Variants in SCP2 observed in about 807,000 individuals in gnomAD.
SCP2 encodes the protein sterol carrier protein 2, also known as SCP-2/3-oxoacyl-CoA thiolase.
In SCP2, 48 loss-of-function variants were observed where a neutral mutation model predicts 71.4. That is an observed-to-expected ratio of 0.67 (90% CI 0.53 to 0.86). The LOEUF (loss-of-function observed/expected upper bound fraction) is 0.86. Among genes scored for constraint, SCP2 ranks in the 40% least tolerant of loss-of-function variants. The pLI, the probability that SCP2 is intolerant of heterozygous loss-of-function variation, is 0.00. For synonymous variants in SCP2, 220 were observed against 218.1 expected, an observed-to-expected ratio of 1.01 and a Z score of -0.08; for missense variants, 560 against 655.6, an observed-to-expected ratio of 0.85 and a Z score of 1.59.
At chr1:52,994,221 A>G (rs1659762532) in intron 11 of SCP2, 11 of 1,018,906 alleles carry the variant, frequency 1.1e-5, no homozygotes, top group African/African-American at 1.0e-4. Flanking sequence ...TTCCTGTGGT[A>G]TGGTCACTGA....
intron 10 of SCP2, among the ~76,000 whole-genome samples, chr1:52,985,378 A>G (rs1260480511): frequency 6.6e-6 from 1 of 152,038 alleles, no homozygotes; most frequent in African/African-American, 2.4e-5. Flanking sequence ...TCTCTCTCAC[A>G]ATCATCATTA....
intron 15 of SCP2, 199 bp from the exon 16 acceptor site, chr1:53,050,410 C>G: frequency 1.9e-6 from 1 of 521,814 alleles, no homozygotes; most frequent in Non-Finnish European, 3.5e-6. Context: ...TTCTGCTGAT[C>G]TGCAAAAAGT....
chr1:52,973,321 A>G lies in SCP2; in HGVS notation c.524-1448A>G, dbSNP rs542223551. ...GTTTAGCTTTGTTTAACCATAGTCT[A>G]AACTTATTTGACAGAAGAACCCTCT... On this transcript the variant is annotated intron_variant, in intron 6 of 15. Coordinates refer to ENST00000371514, the MANE Select transcript of SCP2 (RefSeq NM_002979.5). 2.6e-5 allele frequency among the ~76,000 whole-genome samples: 4 copies of G among 151,610 alleles called. No individual in the cohort carries two copies. The East Asian group carries it at 7.8e-4, about 30-fold the overall frequency.
chr1:53,037,879 T>C lies in SCP2; in HGVS notation c.1339-1038T>C, dbSNP rs866121367. On this transcript the variant is annotated intron_variant, in intron 13 of 15. Coordinates refer to ENST00000371514, the MANE Select transcript of SCP2 (RefSeq NM_002979.5). The stretch of plus-strand genomic sequence containing the variant: ...AACATAGGGAGATCCTGTCTCTACA[T>C]ACACACACACACACACACACACACA... 1.5e-3 allele frequency among the ~76,000 whole-genome samples: 128 copies of C among 84,600 alleles called. 1 individual carries two copies. The highest frequency in any genetic ancestry group is 1.9e-3 in the Non-Finnish European group (82 of 43,252). The allele number at this position is 84,600 out of a possible 152,430, so 55.5% of individuals were successfully genotyped here. A position where few individuals can be genotyped will look rare whatever the true frequency, so the allele number is the denominator to read the frequency against.
intron 13 of SCP2, among the ~76,000 whole-genome samples, chr1:53,028,405 C>A (rs1377634578): frequency 6.6e-6 from 1 of 151,982 alleles, no homozygotes; most frequent in Non-Finnish European, 1.5e-5. Context: ...GCTGTAATTT[C>A]CTTTGAATTA....
intron 11 of SCP2, chr1:52,993,529 T>A (rs1659690031): frequency 1.2e-6 from 2 of 1,612,454 alleles, no homozygotes; most frequent in Non-Finnish European, 1.7e-6. Context: ...TATCTGTGAC[T>A]GAAAAGACCA....
intron 1 of SCP2, among the ~76,000 whole-genome samples, chr1:52,930,182 G>A (rs766986838): frequency 2.0e-5 from 3 of 152,090 alleles, no homozygotes; most frequent in Non-Finnish European, 4.4e-5. Context: ...GTACTTTTAT[G>A]TATGGTAATT....
At chr1:53,032,670 G>A (rs148443171) in intron 13 of SCP2, among the ~76,000 whole-genome samples, 1 of 152,352 alleles carries the variant, frequency 6.6e-6, no homozygotes, top group Non-Finnish European at 1.5e-5. Context: ...AGGATAATAT[G>A]TAAAGACAGA....
chr1:52,993,520 A>G, intron 11 of SCP2: 2 of 1,612,492 alleles, frequency 1.2e-6, no homozygotes, highest in Admixed American at 1.7e-5. Flanking sequence ...AACTGCCTCT[A>G]TCTGTGACTG....
intron 1 of SCP2, among the ~76,000 whole-genome samples, chr1:52,934,592 CTTTTTTTTTTTTTTTTTTTTTTT>C (rs771433635): frequency 1.4e-3 from 41 of 29,058 alleles, no homozygotes; most frequent in African/African-American, 3.7e-3. Context: ...TTCCAGCTAA[CTTTTTTTTTTTTTTTTTTTTTTT>C]TTTTTTTTTT....
intron 5 of SCP2, among the ~76,000 whole-genome samples, chr1:52,956,466 A>G (rs567384908): frequency 1.3e-5 from 2 of 152,344 alleles, no homozygotes; most frequent in Admixed American, 6.5e-5. Flanking sequence ...TAGAAACCAC[A>G]AAAGTGGCAC....
chr1:53,038,787 C>A lies in SCP2; in HGVS notation c.1339-130C>A. ...TTTCAGACTTTTCTGGGTAAAAGAT[C>A]ATAAGGGACCTTGGGGACCGCTCCC... On this transcript the variant is annotated intron_variant, in intron 13 of 15. Coordinates refer to ENST00000371514, the MANE Select transcript of SCP2 (RefSeq NM_002979.5). 4.5e-6 allele frequency: 5 copies of A among 1,105,548 alleles called. No homozygotes were observed. In the South Asian group the frequency reaches 5.4e-5, roughly 12 times the overall value. The allele number at this position is 1,105,548 out of a possible 1,614,324, so 68.5% of individuals were successfully genotyped here.
chr1:53,028,065 T>C lies in SCP2; in HGVS notation c.1332T>C (p.Leu444=), dbSNP rs1355647413. The change falls in exon 13 of 16, where the codon CTT becomes CTC. Residue 444 remains leucine, a synonymous_variant. Coordinates refer to ENST00000371514, the MANE Select transcript of SCP2 (RefSeq NM_002979.5). The part of the protein sequence containing the change: ...NLVFKEIEKK[L]EEEGEQFVKK... ...TTTTTAAGGAGATTGAGAAGAAACTTGAAGAGGTAAGATTTATGTAAAATA... is the reference window on the plus strand; with the variant it reads ...TTTTTAAGGAGATTGAGAAGAAACTCGAAGAGGTAAGATTTATGTAAAATA... 3.8e-6 allele frequency: 6 copies of C among 1,566,252 alleles called. No individual in the cohort carries two copies. In the East Asian group the frequency reaches 1.1e-4, roughly 29 times the overall value.
intron 10 of SCP2, among the ~76,000 whole-genome samples, chr1:52,983,713 T>C (rs1323192080): frequency 6.6e-6 from 1 of 152,222 alleles, no homozygotes; most frequent in African/African-American, 2.4e-5. Context: ...TTTGTTCATT[T>C]CTAGTGGGCT....
Position 53,000,009 on chromosome 1 carries a change from G to A in SCP2, c.1081+11873G>A, listed in dbSNP as rs189433223. ...TTTTTGTATTTTTAGTAGAGCTGGG[G>A]TTTCACTATGTTGGCCAGGCTGGCC... is the stretch of plus-strand genomic sequence containing the variant. On this transcript the variant is annotated intron_variant, in intron 11 of 15. Transcript: ENST00000371514. 4.9e-3 allele frequency among the ~76,000 whole-genome samples: 744 copies of A among 151,850 alleles called. 3 individuals carry two copies. Among genetic ancestry groups the A allele is most frequent in the Middle Eastern group, 0.01 (3 of 294 alleles).
At chr1:53,036,482 C>T (rs1323354214) in intron 13 of SCP2, among the ~76,000 whole-genome samples, 2 of 149,552 alleles carry the variant, frequency 1.3e-5, no homozygotes, top group Admixed American at 1.3e-4. Flanking sequence ...TGAATTCTTG[C>T]TCTTCCTTGT....
intron 6 of SCP2, among the ~76,000 whole-genome samples, chr1:52,968,811 C>T (rs1235830738): frequency 1.3e-5 from 2 of 151,976 alleles, no homozygotes; most frequent in African/African-American, 4.8e-5. Flanking sequence ...CTTTTGATTC[C>T]CCCCGAATTT....
At chr1:53,034,817 A>G (rs896424593) in intron 13 of SCP2, among the ~76,000 whole-genome samples, 4 of 152,118 alleles carry the variant, frequency 2.6e-5, no homozygotes, top group Non-Finnish European at 5.9e-5. Context: ...AATAATTAAT[A>G]TTATGAGGCC....
chr1:52,966,242 T>C (rs1398711310), intron 6 of SCP2, among the ~76,000 whole-genome samples: 4 of 152,102 alleles, frequency 2.6e-5, no homozygotes, highest in African/African-American at 9.7e-5. Context: ...GTTAAGCACA[T>C]AGATATATCT....
Sources: gnomAD v4.1 joint callset for allele counts (sites outside exome capture counted in the v4.1 genomes callset) on GRCh38, gnomAD v4.1.1 for gene constraint, MANE v1.5 for transcripts, NCBI Gene and HGNC (gene_info 2026-07-23, HGNC 2026-07-21) for gene names.